SRGAP1: variants seen among roughly 807,000 people sequenced by gnomAD.
The protein encoded by SRGAP1 is SLIT-ROBO Rho GTPase activating protein 1.
SRGAP1 carries 43 observed loss-of-function variants against 121.9 expected under a neutral mutation model. The observed-to-expected ratio is 0.35, with a 90% CI of 0.28 to 0.46. The LOEUF (loss-of-function observed/expected upper bound fraction) is 0.46, where lower values mean the gene tolerates loss of function less well. Among genes scored for constraint, SRGAP1 ranks in the 20% least tolerant of loss-of-function variants. SRGAP1 has a pLI of 1.00. For synonymous variants in SRGAP1, 447 were observed against 485.4 expected (o/e 0.92, Z 1.04); for missense variants, 1,102 against 1,350.9 (o/e 0.82, Z 2.89).
intron 17 of SRGAP1, among the ~76,000 whole-genome samples, chr12:64,115,405 A>G (rs1028335740): frequency 6.6e-5 from 10 of 152,128 alleles, no homozygotes; most frequent in East Asian, 1.9e-4. Context: ...CAACTATCCA[A>G]TTACTCTTTT....
chr12:64,081,832 A>G (rs2035848660), intron 10 of SRGAP1: 1 of 151,770 alleles, frequency 6.6e-6, no homozygotes, highest in African/African-American at 2.4e-5. Flanking sequence ...GGCAAACATT[A>G]ACAGCCGGAA....
chr12:63,849,537 G>T (rs1185385038), intron 1 of SRGAP1, among the ~76,000 whole-genome samples: 1 of 152,176 alleles, frequency 6.6e-6, no homozygotes, highest in Non-Finnish European at 1.5e-5. Flanking sequence ...AAAATCTGTT[G>T]TTCTTTGACC....
intron 3 of SRGAP1, among the ~76,000 whole-genome samples, chr12:64,003,090 G>GGGAGGGAGGGAC (rs777832380): frequency 1.7e-5 from 2 of 118,006 alleles, no homozygotes; most frequent in African/African-American, 3.4e-5. Context: ...AAGGGAGGGT[G>GGGAGGGAGGGAC]GGAGGGAGGG....
At chr12:64,079,553 A>T (rs2035799417) in intron 9 of SRGAP1, among the ~76,000 whole-genome samples, 1 of 151,410 alleles carries the variant, frequency 6.6e-6, no homozygotes, top group Non-Finnish European at 1.5e-5. Flanking sequence ...AGGCATAATG[A>T]TGTGCAATTG....
At chr12:63,998,170 G>T (rs1351623092) in intron 3 of SRGAP1, among the ~76,000 whole-genome samples, 2 of 152,136 alleles carry the variant, frequency 1.3e-5, no homozygotes, top group Non-Finnish European at 2.9e-5. Context: ...TACGGGAAGA[G>T]ACCTTCATGT....
At chr12:63,934,419 T>C (rs74099383) in intron 1 of SRGAP1, among the ~76,000 whole-genome samples, 3,427 of 152,222 alleles carry the variant, frequency 0.023, 113 homozygotes, top group African/African-American at 0.077. Context: ...GAAGAAACCC[T>C]GCAGCTATCC....
At chr12:64,108,703 G>A (rs2036383784) in intron 15 of SRGAP1, 3 of 355,716 alleles carry the variant, frequency 8.4e-6, no homozygotes, top group Non-Finnish European at 1.5e-5. Flanking sequence ...ATTACTCAAA[G>A]CCAAGTCCAT....
intron 18 of SRGAP1, among the ~76,000 whole-genome samples, chr12:64,118,257 CTTTTTGTTTTTG>C (rs747114702): frequency 6.6e-6 from 1 of 152,020 alleles, no homozygotes; most frequent in African/African-American, 2.4e-5. Context: ...CAACGCTTAT[CTTTTTGTTTTTG>C]TTTTTGTTTT....
intron 1 of SRGAP1, among the ~76,000 whole-genome samples, chr12:63,946,917 C>T (rs780612669): frequency 1.6e-4 from 24 of 152,090 alleles, no homozygotes; most frequent in Non-Finnish European, 3.1e-4. Context: ...GACAGTCTTG[C>T]TTCTTTTACT....
intron 1 of SRGAP1, among the ~76,000 whole-genome samples, chr12:63,940,402 T>TAA (rs140140921): frequency 1.4e-4 from 16 of 117,994 alleles, no homozygotes; most frequent in African/African-American, 2.9e-4. Flanking sequence ...TTCCCCTACT[T>TAA]AAAAAAAAAA....
At chr12:63,891,958 C>T (rs1900595695) in intron 1 of SRGAP1, among the ~76,000 whole-genome samples, 2 of 143,966 alleles carry the variant, frequency 1.4e-5, no homozygotes, top group African/African-American at 2.6e-5. Context: ...TCCACTCCAT[C>T]CTGGGCCACA....
At chr12:63,851,754 A>G (rs1165012672) in intron 1 of SRGAP1, among the ~76,000 whole-genome samples, 3 of 151,562 alleles carry the variant, frequency 2.0e-5, no homozygotes, top group African/African-American at 7.3e-5. Context: ...TTTGGTAGAG[A>G]CAGAGTTTTA....
intron 8 of SRGAP1, among the ~76,000 whole-genome samples, chr12:64,073,785 A>G (rs972688878): frequency 1.3e-5 from 2 of 151,646 alleles, no homozygotes; most frequent in African/African-American, 4.8e-5. Context: ...CATAAAAAAA[A>G]AAACCTGACT....
chr12:64,087,030 G>A lies in SRGAP1; in HGVS notation c.1436+4G>A. 1 of 1,584,396 alleles carries A rather than the reference G, an allele frequency of 6.3e-7. No homozygotes were observed. Among genetic ancestry groups the A allele is most frequent in the Non-Finnish European group, 8.6e-7 (1 of 1,162,368 alleles). On this transcript the variant is annotated splice_donor_region_variant and intron_variant, in intron 11 of 21. Transcript: ENST00000355086. ...GAGCTGAATATATGACTACAAGGTA[G>A]GAAAATATTTTATCATAACTTATAG... is the stretch of plus-strand genomic sequence containing the variant.
intron 1 of SRGAP1, among the ~76,000 whole-genome samples, chr12:63,897,751 T>G (rs1900801228): frequency 6.6e-6 from 1 of 152,220 alleles, no homozygotes; most frequent in African/African-American, 2.4e-5. Flanking sequence ...GTGTCTTTAT[T>G]CGGAAGCTCA....
At chr12:63,949,840 T>A (rs2032232461) in intron 1 of SRGAP1, among the ~76,000 whole-genome samples, 1 of 152,216 alleles carries the variant, frequency 6.6e-6, no homozygotes, top group Admixed American at 6.5e-5. Context: ...AGGAATCCAA[T>A]TAATGATTCT....
chr12:64,040,713 T>G (rs1327558730), intron 4 of SRGAP1, among the ~76,000 whole-genome samples: 1 of 152,174 alleles, frequency 6.6e-6, no homozygotes, highest in Non-Finnish European at 1.5e-5. Flanking sequence ...ACATACCGAT[T>G]TATAGGTACC....
intron 21 of SRGAP1, among the ~76,000 whole-genome samples, chr12:64,129,325 C>T (rs779867051): frequency 6.6e-5 from 10 of 152,176 alleles, no homozygotes; most frequent in South Asian, 2.1e-4. Flanking sequence ...GCATACAGCA[C>T]GGGAGGAAGA....
intron 1 of SRGAP1, among the ~76,000 whole-genome samples, chr12:63,901,553 G>T (rs751327653): frequency 3.6e-4 from 55 of 152,274 alleles, no homozygotes; most frequent in Middle Eastern, 6.8e-3. Context: ...CAGCCTGAGC[G>T]CTCCATAATC....
Sources: gnomAD v4.1 joint callset for allele counts (sites outside exome capture counted in the v4.1 genomes callset) on GRCh38, gnomAD v4.1.1 for gene constraint, MANE v1.5 for transcripts, NCBI Gene and HGNC (gene_info 2026-07-23, HGNC 2026-07-21) for gene names.